Variants in ULK4 observed in about 807,000 individuals in gnomAD.
The protein encoded by ULK4 is unc-51 like kinase 4.
A neutral mutation model predicts 160.6 loss-of-function variants in ULK4; 133 were observed. The ratio of observed to expected loss-of-function variants is 0.83; its 90% CI spans 0.72 to 0.96. ULK4 has a LOEUF of 0.96. Ranked by LOEUF, ULK4 falls within the 40% of genes least tolerant of loss-of-function variation. The pLI is 0.00. For missense variants in ULK4, 1,580 were observed against 1,499.5 expected (o/e 1.05, Z -0.89); for synonymous variants, 534 against 539.8 (o/e 0.99, Z 0.15).
At position 41,863,199 on chromosome 3, in the gene ULK4, C is replaced by G. The variant is rs549489318; in HGVS notation, c.1656+20675G>C. Among the ~76,000 whole-genome samples the G allele has an allele frequency of 1.8e-4, 27 of 152,124 alleles. 1 individual carries two copies. The East Asian group carries it at 5.2e-3, about 29-fold the overall frequency. On this transcript the variant is annotated intron_variant, in intron 17 of 36. Coordinates refer to ENST00000301831, the MANE Select transcript of ULK4 (RefSeq NM_017886.4). ...GTCCCTCCCTTCCTCCTTCCCCTTT[C>G]CAAAGGGAGAGGATCCTCACCTGTA...
intron 19 of ULK4, among the ~76,000 whole-genome samples, chr3:41,802,125 C>T (rs1046169608): frequency 3.3e-5 from 5 of 151,838 alleles, no homozygotes; most frequent in African/African-American, 1.2e-4. Context: ...AAATTCATCA[C>T]CAGCAGAACT....
chr3:41,317,572 T>C (rs529937627), intron 35 of ULK4, among the ~76,000 whole-genome samples: 172 of 152,288 alleles, frequency 1.1e-3, no homozygotes, highest in African/African-American at 4.0e-3. Context: ...GAAGAGGAGA[T>C]GACCCAGGCC....
intron 32 of ULK4, among the ~76,000 whole-genome samples, chr3:41,530,352 G>C (rs2086262067): frequency 6.6e-6 from 1 of 152,118 alleles, no homozygotes; most frequent in Non-Finnish European, 1.5e-5. Context: ...GAAATGTCCG[G>C]GACCATCAAG....
At chr3:41,524,414 C>T (rs2086039120) in intron 32 of ULK4, among the ~76,000 whole-genome samples, 1 of 152,154 alleles carries the variant, frequency 6.6e-6, no homozygotes, top group Non-Finnish European at 1.5e-5. Context: ...AATGGACTTT[C>T]AAAGAGATGC....
intron 32 of ULK4, among the ~76,000 whole-genome samples, chr3:41,547,840 G>A (rs2086916500): frequency 6.6e-6 from 1 of 152,190 alleles, no homozygotes; most frequent in Non-Finnish European, 1.5e-5. Flanking sequence ...AGCCCATGCG[G>A]TGTCCTACAC....
chr3:41,849,898 G>A (rs1011771456), intron 17 of ULK4, among the ~76,000 whole-genome samples: 17 of 152,034 alleles, frequency 1.1e-4, no homozygotes, highest in African/African-American at 3.6e-4. Context: ...GTGACATGTT[G>A]GTATGCTGCA....
chr3:41,272,267 G>A (rs1174066485), intron 35 of ULK4, among the ~76,000 whole-genome samples: 2 of 150,610 alleles, frequency 1.3e-5, no homozygotes, highest in Non-Finnish European at 2.9e-5. Context: ...GCTTCCTGTA[G>A]TACCAGTCTG....
chr3:41,665,589 C>T (rs555134900), intron 29 of ULK4, among the ~76,000 whole-genome samples: 28 of 151,778 alleles, frequency 1.8e-4, no homozygotes, highest in Admixed American at 6.6e-4. Context: ...AAAAGATTTG[C>T]CCATGTATAA....
chr3:41,722,355 G>A (rs1284711330), intron 22 of ULK4, among the ~76,000 whole-genome samples: 5 of 150,816 alleles, frequency 3.3e-5, no homozygotes, highest in East Asian at 1.9e-4. Context: ...CAGACCGGGC[G>A]CAGTGGCTCA....
chr3:41,476,300 A>G lies in ULK4; in HGVS notation c.3227-13047T>C, dbSNP rs575218888. On this transcript the variant is annotated intron_variant, in intron 32 of 36. Transcript: ENST00000301831. ...ACTAAGTGAAGAAATAAATCTAAAA[A>G]GAAACAAAGCAAGTCAAGGTAGAAA... 1.2e-4 allele frequency among the ~76,000 whole-genome samples: 19 copies of G among 152,360 alleles called. No individual in the cohort carries two copies. In the South Asian group the frequency reaches 3.3e-3, roughly 27 times the overall value.
chr3:41,457,024 T>C (rs1223137679), intron 33 of ULK4, among the ~76,000 whole-genome samples: 10 of 152,162 alleles, frequency 6.6e-5, no homozygotes, highest in African/African-American at 2.2e-4. Flanking sequence ...TTATCGGAAA[T>C]GGAGAATTTC....
chr3:41,873,057 G>A (rs1697158749), intron 17 of ULK4, among the ~76,000 whole-genome samples: 1 of 152,082 alleles, frequency 6.6e-6, no homozygotes, highest in African/African-American at 2.4e-5. Flanking sequence ...GGAGGCTGAG[G>A]TAGAGAATTG....
intron 33 of ULK4, among the ~76,000 whole-genome samples, chr3:41,462,427 C>A (rs907865114): frequency 1.3e-5 from 2 of 152,120 alleles, no homozygotes; most frequent in African/African-American, 2.4e-5. Flanking sequence ...CTGACTCCAT[C>A]GGTTAGACAG....
intron 18 of ULK4, among the ~76,000 whole-genome samples, chr3:41,831,012 T>TTTATTTA (rs1553666492): frequency 0.024 from 2,353 of 96,972 alleles, 77 homozygotes; most frequent in African/African-American, 0.089. Context: ...TTATTATTTT[T>TTTATTTA]TTTATTTATT....
chr3:41,924,373 A>C (rs1716642), intron 5 of ULK4, among the ~76,000 whole-genome samples: 104,063 of 152,048 alleles, frequency 0.68, 39,169 homozygotes, highest in East Asian at 0.83. Flanking sequence ...ACACGATCCC[A>C]AAAGGTCAGG....
intron 8 of ULK4, 99 bp downstream of exon 8, chr3:41,915,878 G>T (rs926291559): frequency 1.1e-5 from 9 of 792,306 alleles, no homozygotes; most frequent in African/African-American, 1.8e-5. Flanking sequence ...CATAAAAGGG[G>T]GAAAAGATTT....
chr3:41,355,384 A>C (rs1186849446), intron 35 of ULK4, among the ~76,000 whole-genome samples: 1 of 152,090 alleles, frequency 6.6e-6, no homozygotes, highest in Non-Finnish European at 1.5e-5. Flanking sequence ...ACAAAACCTA[A>C]CTTCTACTTA....
chr3:41,620,168 G>A (rs547307217), intron 30 of ULK4, among the ~76,000 whole-genome samples: 123 of 152,226 alleles, frequency 8.1e-4, no homozygotes, highest in Non-Finnish European at 1.3e-3. Flanking sequence ...ATTCACAGCC[G>A]AATTCTACCA....
At chr3:41,885,501 G>A (rs1173739665) in intron 16 of ULK4, among the ~76,000 whole-genome samples, 3 of 151,960 alleles carry the variant, frequency 2.0e-5, no homozygotes, top group Admixed American at 6.6e-5. Flanking sequence ...CCAGTGACTC[G>A]ACACTGTACC....
Sources: allele counts gnomAD v4.1 joint callset (sites outside exome capture counted in the v4.1 genomes callset), GRCh38; gene constraint gnomAD v4.1.1; transcripts MANE v1.5; gene names NCBI Gene and HGNC (gene_info 2026-07-23, HGNC 2026-07-21).